The following EHBP1 variants were observed in gnomAD, a reference collection of about 807,000 sequenced individuals.
EHBP1 encodes EH domain-binding protein 1.
Under a neutral mutation model 144.0 loss-of-function variants are expected in EHBP1, and 55 were observed. That is an observed-to-expected ratio of 0.38 (90% CI 0.31 to 0.48). EHBP1 has a LOEUF of 0.48. Ranked by LOEUF, EHBP1 falls within the 20% of genes least tolerant of loss-of-function variation. The probability of loss-of-function intolerance (pLI) is 0.98; values close to 1 mark genes in which losing one functional copy is unlikely to be tolerated. For synonymous variants in EHBP1, 469 were observed against 472.7 expected (o/e 0.99, Z 0.10); for missense variants, 1,200 against 1,364.2 (o/e 0.88, Z 1.90).
chr2:62,836,778 A>T (rs1424951387), intron 7 of EHBP1, among the ~76,000 whole-genome samples: 1 of 146,792 alleles, frequency 6.8e-6, no homozygotes, highest in African/African-American at 2.5e-5. Flanking sequence ...GCGAGAAGGG[A>T]AGTTTAGAGA....
intron 9 of EHBP1, 91 bp from the exon 10 acceptor site, chr2:62,874,254 GA>G (rs2050704587): frequency 1.0e-6 from 1 of 1,001,450 alleles, no homozygotes; most frequent in African/African-American, 1.7e-5. Context: ...TTTGAAAAAA[GA>G]AATTTTAGTT....
intron 13 of EHBP1, among the ~76,000 whole-genome samples, chr2:62,950,755 G>A (rs937990537): frequency 6.6e-6 from 1 of 151,502 alleles, no homozygotes; most frequent in Non-Finnish European, 1.5e-5. Flanking sequence ...GTGCCATCTT[G>A]GCTTACCACA....
intron 7 of EHBP1, among the ~76,000 whole-genome samples, chr2:62,847,136 A>G (rs943658790): frequency 6.6e-6 from 1 of 152,234 alleles, no homozygotes; most frequent in African/African-American, 2.4e-5. Context: ...AGATCAACAG[A>G]ACAAAACAAA....
At chr2:62,835,348 A>T (rs1421302212) in intron 7 of EHBP1, among the ~76,000 whole-genome samples, 1 of 152,134 alleles carries the variant, frequency 6.6e-6, no homozygotes, top group Non-Finnish European at 1.5e-5. Context: ...GTATTTAAAC[A>T]TTTTTCATAG....
At chr2:62,914,022 T>G (rs1248847039) in intron 10 of EHBP1, among the ~76,000 whole-genome samples, 1 of 152,194 alleles carries the variant, frequency 6.6e-6, no homozygotes, top group African/African-American at 2.4e-5. Context: ...TGAGGTAATT[T>G]GGGTCATATG....
intron 2 of EHBP1, among the ~76,000 whole-genome samples, chr2:62,744,182 A>C (rs1051318605): frequency 1.3e-5 from 2 of 152,104 alleles, no homozygotes; most frequent in Non-Finnish European, 2.9e-5. Context: ...ATATATAAAA[A>C]TGTGTATCAT....
chr2:62,895,098 G>T (rs1203301375), intron 10 of EHBP1, among the ~76,000 whole-genome samples: 1 of 152,098 alleles, frequency 6.6e-6, no homozygotes, highest in African/African-American at 2.4e-5. Flanking sequence ...TTCCAGAAAA[G>T]GCAGAATTAT....
rs778441393 is a variant in EHBP1, at chr2:63,037,642, C to T, written c.3203+8C>T. 5.3e-6 allele frequency: 8 copies of T among 1,510,848 alleles called. No individual in the cohort carries two copies. The highest frequency in any genetic ancestry group is 1.4e-5 in the African/African-American group (1 of 71,768). 93.6% of individuals were successfully genotyped at this position (1,510,848 alleles called of 1,614,324 possible). On this transcript the variant is annotated splice_region_variant and intron_variant, in intron 20 of 22. Transcript: ENST00000431489. The stretch of plus-strand genomic sequence containing the variant: ...GAATCAGCTCTCTCTTCTGTAAGTA[C>T]TCATCATTATGCTTGTTTTGCCTAC...
At chr2:62,691,991 C>A (rs2033922576) in intron 1 of EHBP1, among the ~76,000 whole-genome samples, 1 of 152,092 alleles carries the variant, frequency 6.6e-6, no homozygotes, top group Admixed American at 6.5e-5. Flanking sequence ...GTGCAACCAT[C>A]ATCACTATGT....
intron 10 of EHBP1, among the ~76,000 whole-genome samples, chr2:62,932,546 TA>T (rs1476671852): frequency 6.6e-6 from 1 of 152,290 alleles, no homozygotes; most frequent in East Asian, 1.9e-4. Flanking sequence ...TGGCAGTTAC[TA>T]GGGGCAGAGA....
intron 19 of EHBP1, among the ~76,000 whole-genome samples, chr2:63,031,744 C>A (rs2153346437): frequency 6.6e-6 from 1 of 152,258 alleles, no homozygotes; most frequent in South Asian, 2.1e-4. Context: ...GCCTGGCCAC[C>A]ATGGCGAAAC....
At chr2:62,976,861 A>C (rs925109734) in intron 14 of EHBP1, among the ~76,000 whole-genome samples, 4 of 151,960 alleles carry the variant, frequency 2.6e-5, no homozygotes, top group African/African-American at 7.2e-5. Flanking sequence ...AGTTCCTTTT[A>C]GTTTTTCTAT....
intron 10 of EHBP1, among the ~76,000 whole-genome samples, chr2:62,877,467 C>G (rs1202311953): frequency 6.6e-6 from 1 of 152,162 alleles, no homozygotes; most frequent in African/African-American, 2.4e-5. Flanking sequence ...TAAAGATATT[C>G]AGAACCTAAA....
At chr2:62,951,542 G>GT (rs1157941142) in intron 13 of EHBP1, among the ~76,000 whole-genome samples, 16 of 142,766 alleles carry the variant, frequency 1.1e-4, no homozygotes, top group Admixed American at 9.1e-4. Flanking sequence ...TTTGGGGGGG[G>GT]GGGGTGGAGT....
intron 12 of EHBP1, among the ~76,000 whole-genome samples, chr2:62,947,290 A>G (rs1479844069): frequency 6.6e-6 from 1 of 152,176 alleles, no homozygotes; most frequent in East Asian, 1.9e-4. Flanking sequence ...CAAGAATATG[A>G]GACAAAGATT....
intron 10 of EHBP1, among the ~76,000 whole-genome samples, chr2:62,924,405 CAGA>C (rs2055332759): frequency 6.6e-6 from 1 of 151,860 alleles, no homozygotes; most frequent in Non-Finnish European, 1.5e-5. Context: ...TGAAAAAATA[CAGA>C]AGTTCAATGA....
At chr2:62,885,309 G>A (rs1345941273) in intron 10 of EHBP1, among the ~76,000 whole-genome samples, 1 of 152,076 alleles carries the variant, frequency 6.6e-6, no homozygotes, top group Non-Finnish European at 1.5e-5. Context: ...AGGCAGCTGT[G>A]AGCCCCTCAG....
At chr2:62,706,670 T>TA (rs1048964485) in intron 1 of EHBP1, 2 of 155,576 alleles carry the variant, frequency 1.3e-5, no homozygotes, top group African/African-American at 4.8e-5. Flanking sequence ...TGGTGCTGAC[T>TA]ACCTGATGTG....
intron 19 of EHBP1, among the ~76,000 whole-genome samples, chr2:63,026,490 A>G (rs1162075225): frequency 1.3e-5 from 2 of 152,336 alleles, no homozygotes; most frequent in East Asian, 3.9e-4. Context: ...ACTCTATGAA[A>G]TAGTACCATT....
Sources: allele counts gnomAD v4.1 joint callset (sites outside exome capture counted in the v4.1 genomes callset), GRCh38; gene constraint gnomAD v4.1.1; transcripts MANE v1.5; gene names NCBI Gene and HGNC (gene_info 2026-07-23, HGNC 2026-07-21).